The following DGKB variants were observed in gnomAD, a reference collection of about 807,000 sequenced individuals.
DGKB encodes the protein diacylglycerol kinase beta, also known as 90 kDa diacylglycerol kinase.
A neutral mutation model predicts 114.3 loss-of-function variants in DGKB; 67 were observed. The observed-to-expected ratio is 0.59, with a 90% CI of 0.48 to 0.72. The LOEUF (loss-of-function observed/expected upper bound fraction) is 0.72. DGKB is among the 30% of genes least tolerant of loss of function. DGKB has a pLI of 0.00. For missense variants in DGKB, 907 were observed against 975.2 expected (o/e 0.93, Z 0.93); for synonymous variants, 398 against 323.1 (o/e 1.23, Z -2.49).
At chr7:14,543,398 T>C (rs1395246276) in intron 20 of DGKB, among the ~76,000 whole-genome samples, 3 of 151,754 alleles carry the variant, frequency 2.0e-5, no homozygotes, top group Admixed American at 6.6e-5. Flanking sequence ...TAAGCCATAA[T>C]TGCACCACTG....
chr7:14,390,365 C>T (rs1255713175), intron 21 of DGKB, among the ~76,000 whole-genome samples: 1 of 152,160 alleles, frequency 6.6e-6, no homozygotes, highest in Middle Eastern at 3.2e-3. Flanking sequence ...ACTGTACTAA[C>T]AGCTTGGCAA....
chr7:14,718,789 AT>A (rs922090500), intron 5 of DGKB, 104 bp from the exon 6 acceptor site: 1 of 866,094 alleles, frequency 1.2e-6, no homozygotes, highest in Non-Finnish European at 1.8e-6. Context: ...AGAAATTTAT[AT>A]TTTTTAGGCA....
intron 18 of DGKB, among the ~76,000 whole-genome samples, chr7:14,581,847 C>G (rs1799980295): frequency 6.6e-6 from 1 of 152,140 alleles, no homozygotes; most frequent in Non-Finnish European, 1.5e-5. Context: ...AGATACTTTT[C>G]CAGCTAACTC....
intron 23 of DGKB, among the ~76,000 whole-genome samples, chr7:14,318,955 C>T (rs1040064427): frequency 1.3e-5 from 2 of 152,058 alleles, no homozygotes. Flanking sequence ...TACTATGCAG[C>T]CATAAAAAAT....
chr7:14,460,458 G>C (rs888764553), intron 21 of DGKB, among the ~76,000 whole-genome samples: 5 of 151,452 alleles, frequency 3.3e-5, no homozygotes, highest in Non-Finnish European at 5.9e-5. Context: ...TGCAATCCTA[G>C]TCTCTGATAA....
intron 13 of DGKB, among the ~76,000 whole-genome samples, chr7:14,663,641 C>CCTCCCTTT (rs1324998269): frequency 9.0e-5 from 13 of 144,492 alleles, no homozygotes; most frequent in Non-Finnish European, 2.0e-4. Context: ...TTCCTCCCTT[C>CCTCCCTTT]CTTCCTTCCC....
At chr7:14,729,303 T>C (rs1326937573) in intron 5 of DGKB, among the ~76,000 whole-genome samples, 3 of 150,942 alleles carry the variant, frequency 2.0e-5, no homozygotes, top group Non-Finnish European at 4.4e-5. Context: ...TTTGTATTTT[T>C]AGTAGAGACC....
chr7:14,509,177 G>A (rs1473158016), intron 20 of DGKB, among the ~76,000 whole-genome samples: 1 of 152,072 alleles, frequency 6.6e-6, no homozygotes, highest in Non-Finnish European at 1.5e-5. Flanking sequence ...AACACTGAAG[G>A]CATATAGGAA....
intron 2 of DGKB, among the ~76,000 whole-genome samples, chr7:14,765,827 G>A (rs1446749351): frequency 6.6e-6 from 1 of 151,948 alleles, no homozygotes; most frequent in Non-Finnish European, 1.5e-5. Flanking sequence ...ATTAGGGACA[G>A]AATTGACTGG....
chr7:14,669,552 C>T (rs1818605246), intron 13 of DGKB, among the ~76,000 whole-genome samples: 1 of 152,172 alleles, frequency 6.6e-6, no homozygotes, highest in Non-Finnish European at 1.5e-5. Flanking sequence ...GCAGCCCCAA[C>T]ATTTCTTCTT....
At chr7:14,768,703 T>C (rs2128466459) in intron 2 of DGKB, among the ~76,000 whole-genome samples, 1 of 152,146 alleles carries the variant, frequency 6.6e-6, no homozygotes, top group African/African-American at 2.4e-5. Flanking sequence ...TTGCCTACAA[T>C]GTGACAATCA....
intron 2 of DGKB, 92 bp downstream of exon 2, chr7:14,841,102 A>G: frequency 8.7e-7 from 1 of 1,150,492 alleles, no homozygotes; most frequent in Non-Finnish European, 1.2e-6. Context: ...ATCCCCATGA[A>G]GAACAGGATC....
intron 23 of DGKB, among the ~76,000 whole-genome samples, chr7:14,223,028 A>C (rs1311152935): frequency 6.6e-6 from 1 of 151,504 alleles, no homozygotes; most frequent in Non-Finnish European, 1.5e-5. Context: ...TTATCTTGTA[A>C]TCTAAAGTGT....
chr7:14,693,810 T>C (rs1034384187), intron 9 of DGKB, among the ~76,000 whole-genome samples: 4 of 151,998 alleles, frequency 2.6e-5, no homozygotes, highest in African/African-American at 7.3e-5. Flanking sequence ...AAACACTAGA[T>C]TGCACCTTCA....
intron 23 of DGKB, among the ~76,000 whole-genome samples, chr7:14,325,290 T>C (rs1211340658): frequency 6.6e-6 from 1 of 152,010 alleles, no homozygotes; most frequent in East Asian, 1.9e-4. Context: ...TGGGGGGTCA[T>C]CATGGTGATT....
chr7:14,906,447 C>CTTTTTTTTTTTTTTTTTTTTTTTTTT (rs34250901), upstream of DGKB, among the ~76,000 whole-genome samples: 1 of 103,882 alleles, frequency 9.6e-6, no homozygotes, highest in African/African-American at 3.3e-5. Context: ...TTTTTTCTGT[C>CTTTTTTTTTTTTTTTTTTTTTTTTTT]TTTTTTTTTT....
At chr7:14,867,841 A>C (rs1851903297) in intron 1 of DGKB, among the ~76,000 whole-genome samples, 1 of 152,134 alleles carries the variant, frequency 6.6e-6, no homozygotes, top group South Asian at 2.1e-4. Flanking sequence ...CCTATGTCTA[A>C]TTTTAACTGA....
chr7:14,689,196 C>CTTTTTT (rs1554599070), intron 9 of DGKB, among the ~76,000 whole-genome samples: 10 of 80,296 alleles, frequency 1.2e-4, no homozygotes, highest in African/African-American at 3.5e-4. Flanking sequence ...AGAAACTCCT[C>CTTTTTT]TTATTTTTTT....
intron 16 of DGKB, among the ~76,000 whole-genome samples, chr7:14,608,406 C>T (rs116724807): frequency 0.065 from 9,863 of 151,868 alleles, 1,085 homozygotes; most frequent in African/African-American, 0.22. Flanking sequence ...GAAAAAAAAT[C>T]TTCAACAGAC....
Sources: gnomAD v4.1 joint callset for allele counts (sites outside exome capture counted in the v4.1 genomes callset) on GRCh38, gnomAD v4.1.1 for gene constraint, MANE v1.5 for transcripts, NCBI Gene and HGNC (gene_info 2026-07-23, HGNC 2026-07-21) for gene names.